HNRNPA3: variants seen among roughly 807,000 people sequenced by gnomAD.
HNRNPA3 encodes epididymis secretory sperm binding protein.
A neutral mutation model predicts 45.8 loss-of-function variants in HNRNPA3; 3 were observed. The observed-to-expected ratio is 0.07, with a 90% CI of 0.03 to 0.17. The LOEUF is 0.17. Ranked by LOEUF, HNRNPA3 falls within the 10% of genes least tolerant of loss-of-function variation. HNRNPA3 has a pLI of 1.00. For synonymous variants in HNRNPA3, 170 were observed against 155.6 expected (o/e 1.09, Z -0.69); for missense variants, 183 against 480.3 (o/e 0.38, Z 5.79).
At chr2:177,218,843 A>AGAGG (rs1354426384) in intron 8 of HNRNPA3, among the ~76,000 whole-genome samples, 194 bp from the exon 9 acceptor site, 1 of 152,270 alleles carries the variant, frequency 6.6e-6, no homozygotes, top group African/African-American at 2.4e-5. Context: ...ACATGCGCCT[A>AGAGG]GAGGACAGCA....
At chr2:177,220,273 T>C (rs1689132037), downstream of HNRNPA3, 1 of 152,638 alleles carries the variant, frequency 6.6e-6, no homozygotes, top group Non-Finnish European at 1.5e-5. Context: ...AGGTTTTGGG[T>C]GTAAAGAATG....
intron 8 of HNRNPA3, 64 bp downstream of exon 8, chr2:177,217,909 C>A: frequency 2.2e-6 from 3 of 1,390,192 alleles, no homozygotes; most frequent in Non-Finnish European, 2.9e-6. Flanking sequence ...TCCCATGACA[C>A]ATATTTGGAA....
At chr2:177,213,856 T>C (rs991330912) in intron 1 of HNRNPA3, among the ~76,000 whole-genome samples, 2 of 152,272 alleles carry the variant, frequency 1.3e-5, no homozygotes, top group African/African-American at 4.8e-5. Flanking sequence ...ATTTTCACGT[T>C]TTTGCAGTAC....
At chr2:177,214,946 G>A (rs544073650) in intron 1 of HNRNPA3, among the ~76,000 whole-genome samples, 2 of 152,322 alleles carry the variant, frequency 1.3e-5, no homozygotes, top group South Asian at 4.1e-4. Flanking sequence ...TCAGACAGTT[G>A]TAGCTTTTAA....
exon 11 of HNRNPA3, chr2:177,219,584 G>C (rs1683844649): frequency 3.1e-6 from 1 of 319,870 alleles, no homozygotes; most frequent in South Asian, 5.5e-5. Flanking sequence ...GTTCAGGACT[G>C]TCATAGCCAC....
At chr2:177,219,845 G>GT (rs894346415) in exon 11 of HNRNPA3, 2 of 152,654 alleles carry the variant, frequency 1.3e-5, no homozygotes, top group Admixed American at 1.3e-4. Flanking sequence ...TTTCGAAGGT[G>GT]TTTCCTTGTG....
intron 4 of HNRNPA3, 109 bp downstream of exon 4, chr2:177,216,297 T>C (rs1688930577): frequency 2.5e-6 from 2 of 784,980 alleles, no homozygotes; most frequent in East Asian, 2.6e-5. Context: ...GCATTTATAG[T>C]GTATAGTCAA....
chr2:177,214,929 A>G (rs1688865568), intron 1 of HNRNPA3, among the ~76,000 whole-genome samples: 1 of 152,322 alleles, frequency 6.6e-6, no homozygotes, highest in East Asian at 1.9e-4. Context: ...TTCTAAAGTA[A>G]AGGTTCTCAG....
At position 177,213,911 on chromosome 2, in the gene HNRNPA3, A is replaced by G. The variant is rs577696542; in HGVS notation, c.72+1040A>G. ...TATTTTTGTCGATTTCGTTATTGTC[A>G]ATCGAATACATTTATCCAAGACTTG... On this transcript the variant is annotated intron_variant, in intron 1 of 10. Transcript: ENST00000392524. Among the ~76,000 whole-genome samples, 3 of 152,352 alleles carry G rather than the reference A, an allele frequency of 2.0e-5. No individual in the cohort carries two copies. In the East Asian group the frequency reaches 5.8e-4, roughly 29 times the overall value.
At chr2:177,217,256 T>C (rs1688980938) in intron 7 of HNRNPA3, among the ~76,000 whole-genome samples, 1 of 152,248 alleles carries the variant, frequency 6.6e-6, no homozygotes. Context: ...TTATTTTTCA[T>C]TCTTACTAGT....
At chr2:177,216,800 A>C (rs771750374) in intron 6 of HNRNPA3, 29 bp downstream of exon 6, 1 of 1,613,640 alleles carries the variant, frequency 6.2e-7, no homozygotes, top group East Asian at 2.2e-5. Flanking sequence ...AAGTACATGG[A>C]TACCTGACAT....
Position 177,216,395 on chromosome 2 carries a change from T to G in HNRNPA3, c.554-108T>G, listed in dbSNP as rs148740362. 2,387 of 804,568 alleles carry G rather than the reference T, an allele frequency of 3.0e-3. 7 individuals are homozygous for G. Among genetic ancestry groups the G allele is most frequent in the South Asian group, 4.6e-3 (275 of 60,068 alleles). 49.8% of individuals were successfully genotyped at this position (804,568 alleles called of 1,614,324 possible). A position where few individuals can be genotyped will look rare whatever the true frequency, so the allele number is the denominator to read the frequency against. On this transcript the variant is annotated intron_variant, in intron 4 of 10. Transcript: ENST00000392524. ...AATGCTCCTTCATTACCAGAGTCAC[T>G]ACCTGATTATGTCTTAATGGGTTAC...
chr2:177,212,885 A>G lies in HNRNPA3; in HGVS notation c.72+14A>G. ...CGGGGGGAGGAGGTATTAGGGGGAGAGCGGGGGGTTGGTGGGGAATGGCCG... is the reference window on the plus strand; with the variant it reads ...CGGGGGGAGGAGGTATTAGGGGGAGGGCGGGGGGTTGGTGGGGAATGGCCG... On this transcript the variant is annotated intron_variant, in intron 1 of 10. Coordinates refer to ENST00000392524, the Ensembl canonical transcript of HNRNPA3. 1.4e-6 allele frequency: 2 copies of G among 1,422,482 alleles called. No individual in the cohort carries two copies. Among genetic ancestry groups the G allele is most frequent in the African/African-American group, 1.5e-5 (1 of 67,384 alleles). 88.1% of individuals were successfully genotyped at this position (1,422,482 alleles called of 1,614,324 possible).
At chr2:177,222,318 A>T (rs889154284), downstream of HNRNPA3, 1 of 152,248 alleles carries the variant, frequency 6.6e-6, no homozygotes, top group African/African-American at 2.4e-5. Flanking sequence ...CCTGCGAAAT[A>T]GCCATAAGTA....
At chr2:177,222,499 C>T (rs13401026), downstream of HNRNPA3, 22,752 of 152,102 alleles carry the variant, frequency 0.15, 2,249 homozygotes, top group African/African-American at 0.29. Context: ...AGGAAAACAC[C>T]TTCAAAGGAA....
chr2:177,212,881 G>A lies in HNRNPA3; in HGVS notation c.72+10G>A. On this transcript the variant is annotated intron_variant, in intron 1 of 10. Transcript: ENST00000392524. The stretch of plus-strand genomic sequence containing the variant: ...CCGCCGGGGGGAGGAGGTATTAGGG[G>A]GAGAGCGGGGGGTTGGTGGGGAATG... 1 of 1,457,774 alleles carries A rather than the reference G, an allele frequency of 6.9e-7. No homozygotes were observed. Among genetic ancestry groups the A allele is most frequent in the African/African-American group, 1.4e-5 (1 of 69,252 alleles). The allele number at this position is 1,457,774 out of a possible 1,614,324, so 90.3% of individuals were successfully genotyped here. A position where few individuals can be genotyped will look rare whatever the true frequency, so the allele number is the denominator to read the frequency against.
chr2:177,215,044 T>G (rs1367616253), intron 1 of HNRNPA3, among the ~76,000 whole-genome samples: 1 of 152,232 alleles, frequency 6.6e-6, no homozygotes, highest in Non-Finnish European at 1.5e-5. Context: ...GGTTATAGGT[T>G]TCCTTGACAT....
chr2:177,215,955 T>G (rs1231610930), intron 3 of HNRNPA3, 23 bp from the exon 4 acceptor site: 1 of 1,598,036 alleles, frequency 6.3e-7, no homozygotes, highest in Non-Finnish European at 8.5e-7. Flanking sequence ...GTTTCTTGAC[T>G]TAATATATTA....
At chr2:177,212,932 GGGAGCGGGGAGGCCGGGT>G (rs942870781) in intron 1 of HNRNPA3, 61 bp downstream of exon 1, 3 of 1,124,042 alleles carry the variant, frequency 2.7e-6, no homozygotes, top group East Asian at 6.3e-5. Context: ...CTGGTTCGGT[GGGAGCGGGGAGGCCGGGT>G]GGACCGGGTC....
Sources: gnomAD v4.1 joint callset for allele counts (sites outside exome capture counted in the v4.1 genomes callset) on GRCh38, gnomAD v4.1.1 for gene constraint, MANE v1.5 for transcripts, NCBI Gene and HGNC (gene_info 2026-07-23, HGNC 2026-07-21) for gene names.